The following SLC60A1 variants were observed in gnomAD, a reference collection of about 807,000 sequenced individuals.
SLC60A1 encodes major facilitator superfamily domain containing 4.
the SLC60A1 span, chr1:205,597,856 T>G: frequency 1.2e-6 from 2 of 1,613,766 alleles, no homozygotes; most frequent in Non-Finnish European, 1.7e-6. Context: ...GTTCGGTATG[T>G]GGGGACCTGT....
At chr1:205,580,046 CA>C in the SLC60A1 span, 1 of 1,307,324 alleles carries the variant, frequency 7.6e-7, no homozygotes, top group African/African-American at 1.5e-5. This position sits in a 1 kb window ranked among gnomAD's most constrained non-coding sequence, Gnocchi z 5.0. Context: ...CCCAGGGGCC[CA>C]CTTACCAGCT....
the SLC60A1 span, chr1:205,599,231 T>G: frequency 1.2e-6 from 2 of 1,614,122 alleles, no homozygotes; most frequent in Admixed American, 1.7e-5. Context: ...TTCCACAGGA[T>G]GCACCCTGGA....
At chr1:205,595,205 C>T in the SLC60A1 span, 6,848 of 152,446 alleles carry the variant, frequency 0.045, 257 homozygotes, top group African/African-American at 0.1. Context: ...ATCTTTCTCT[C>T]CAGACTTCTC....
chr1:205,582,710 A>T, the SLC60A1 span, among the ~76,000 whole-genome samples: 37,978 of 152,166 alleles, frequency 0.25, 5,958 homozygotes, highest in East Asian at 0.47. Flanking sequence ...AGGGCTCAGC[A>T]GGGGCTGTTC....
the SLC60A1 span, among the ~76,000 whole-genome samples, chr1:205,569,770 A>C: frequency 6.6e-6 from 1 of 152,032 alleles, no homozygotes; most frequent in Non-Finnish European, 1.5e-5. Flanking sequence ...GTGGCGGTGC[A>C]GGGTGCTGGA....
chr1:205,595,723 T>C, the SLC60A1 span, among the ~76,000 whole-genome samples: 1 of 152,224 alleles, frequency 6.6e-6, no homozygotes, highest in African/African-American at 2.4e-5. Context: ...GATTGTTTTG[T>C]GCATCAGAAA....
the SLC60A1 span, among the ~76,000 whole-genome samples, chr1:205,593,131 G>A: frequency 2.9e-4 from 44 of 151,964 alleles, no homozygotes; most frequent in African/African-American, 9.4e-4. Context: ...ATTATATTTT[G>A]AACATCACCA....
At chr1:205,586,815 G>C in the SLC60A1 span, among the ~76,000 whole-genome samples, 1 of 151,942 alleles carries the variant, frequency 6.6e-6, no homozygotes, top group Non-Finnish European at 1.5e-5. Flanking sequence ...TCCTGCCTCA[G>C]CCTCCCAAGT....
At chr1:205,598,924 T>G in the SLC60A1 span, 1 of 627,608 alleles carries the variant, frequency 1.6e-6, no homozygotes, top group Non-Finnish European at 2.8e-6. Flanking sequence ...GTCCAGTCCC[T>G]GCCTTAGAGC....
At chr1:205,576,581 T>C in the SLC60A1 span, among the ~76,000 whole-genome samples, 3 of 152,204 alleles carry the variant, frequency 2.0e-5, no homozygotes, top group Non-Finnish European at 4.4e-5. Context: ...ATGCCAAAAC[T>C]GTTTTGACAT....
chr1:205,598,192 T>C, the SLC60A1 span: 1 of 243,160 alleles, frequency 4.1e-6, no homozygotes, highest in Non-Finnish European at 8.3e-6. Flanking sequence ...TCTTTTTCCA[T>C]CCCTTCGGAA....
At chr1:205,596,570 A>T in the SLC60A1 span, among the ~76,000 whole-genome samples, 1 of 147,426 alleles carries the variant, frequency 6.8e-6, no homozygotes, top group Admixed American at 6.8e-5. Flanking sequence ...AAAAAAAAAA[A>T]AAAAAAAAGA....
At chr1:205,573,521 A>G in the SLC60A1 span, among the ~76,000 whole-genome samples, 1 of 151,938 alleles carries the variant, frequency 6.6e-6, no homozygotes, top group Non-Finnish European at 1.5e-5. Flanking sequence ...GATGATCTGG[A>G]AAACATTATG....
chr1:205,599,310 G>A, the SLC60A1 span: 7 of 1,599,444 alleles, frequency 4.4e-6, no homozygotes, highest in Middle Eastern at 1.7e-4. Flanking sequence ...GTCGGGGAGC[G>A]GGGGAGCAGG....
chr1:205,584,217 G>GTTTT, the SLC60A1 span: 14 of 689,100 alleles, frequency 2.0e-5, no homozygotes, highest in Non-Finnish European at 2.7e-5. Flanking sequence ...GATCACAGGT[G>GTTTT]ATTTTTTTTT....
At chr1:205,576,790 C>T in the SLC60A1 span, among the ~76,000 whole-genome samples, 1 of 152,152 alleles carries the variant, frequency 6.6e-6, no homozygotes, top group Non-Finnish European at 1.5e-5. Flanking sequence ...ATGGAAGCAA[C>T]TGGGGAGGGT....
chr1:205,584,169 C>T, the SLC60A1 span: 2 of 1,564,974 alleles, frequency 1.3e-6, no homozygotes, highest in Non-Finnish European at 1.7e-6. Context: ...CATGTTGAGG[C>T]TTCCTTGGTA....
At chr1:205,579,154 C>T in the SLC60A1 span, among the ~76,000 whole-genome samples, 8 of 152,224 alleles carry the variant, frequency 5.3e-5, no homozygotes, top group African/African-American at 1.2e-4. Context: ...ACAGAGCCTG[C>T]GACCTCTGCC....
chr1:205,584,072 C>A, the SLC60A1 span: 1 of 1,614,072 alleles, frequency 6.2e-7, no homozygotes, highest in Non-Finnish European at 8.5e-7. Flanking sequence ...GACACAGCCT[C>A]CTGAGAAGGA....
Sources: allele counts gnomAD v4.1 joint callset (sites outside exome capture counted in the v4.1 genomes callset), GRCh38; gene constraint gnomAD v4.1.1; non-coding constraint Gnocchi (gnomAD v3.1); transcripts MANE v1.5; gene names NCBI Gene and HGNC (gene_info 2026-07-23, HGNC 2026-07-21).